Variants in KAZN observed in about 807,000 individuals in gnomAD.
KAZN encodes the protein kazrin.
A neutral mutation model predicts 87.4 loss-of-function variants in KAZN; 40 were observed. The observed-to-expected ratio is 0.46, with a 90% confidence interval of 0.36 to 0.60. The LOEUF (loss-of-function observed/expected upper bound fraction) is 0.60. Among genes scored for constraint, KAZN ranks in the 20% least tolerant of loss-of-function variants. The probability of loss-of-function intolerance (pLI) is 0.00; values close to 1 mark genes in which losing one functional copy is unlikely to be tolerated. For missense variants in KAZN, 898 were observed against 1,073.9 expected (o/e 0.84, Z 2.29); for synonymous variants, 466 against 458.3 (o/e 1.02, Z -0.22).
intron 1 of KAZN, among the ~76,000 whole-genome samples, chr1:14,051,195 C>G (rs148674379): frequency 1.5e-3 from 234 of 152,240 alleles, no homozygotes; most frequent in African/African-American, 5.6e-3. Flanking sequence ...TTACTAAAGG[C>G]AGGCCAAAGA....
intron 1 of KAZN, among the ~76,000 whole-genome samples, chr1:14,010,069 G>A (rs1206612449): frequency 6.6e-6 from 1 of 152,048 alleles, no homozygotes; most frequent in African/African-American, 2.4e-5. Flanking sequence ...TGCCATATCA[G>A]TATCATCTGT....
intron 4 of KAZN, among the ~76,000 whole-genome samples, chr1:15,051,418 G>A (rs1032270567): frequency 2.2e-4 from 34 of 152,332 alleles, no homozygotes; most frequent in African/African-American, 6.7e-4. Context: ...CTCAGGGAGC[G>A]CATAAGTAAT....
intron 2 of KAZN, among the ~76,000 whole-genome samples, chr1:14,995,542 G>C (rs1043424851): frequency 1.3e-5 from 2 of 151,928 alleles, no homozygotes; most frequent in African/African-American, 2.4e-5. Context: ...AGAATCGTTT[G>C]AAACCCTGGA....
At chr1:14,523,486 A>G (rs758243278) in intron 2 of KAZN, among the ~76,000 whole-genome samples, 1 of 152,236 alleles carries the variant, frequency 6.6e-6, no homozygotes, top group Non-Finnish European at 1.5e-5. Context: ...GCAATGCCCA[A>G]ATAGATACAA....
At chr1:14,787,338 A>G (rs950583154) in intron 1 of KAZN, among the ~76,000 whole-genome samples, 1 of 152,168 alleles carries the variant, frequency 6.6e-6, no homozygotes, top group African/African-American at 2.4e-5. Context: ...ACCAAGGCAT[A>G]GTGAGGTTGG....
At chr1:14,958,999 T>G (rs1663516847) in intron 1 of KAZN, among the ~76,000 whole-genome samples, 1 of 152,160 alleles carries the variant, frequency 6.6e-6, no homozygotes, top group Non-Finnish European at 1.5e-5. Flanking sequence ...AGACTCAAGT[T>G]CCCGCCCTCC....
chr1:14,678,910 T>C, intron 1 of KAZN, among the ~76,000 whole-genome samples: 1 of 152,212 alleles, frequency 6.6e-6, no homozygotes, highest in South Asian at 2.1e-4. Context: ...CTCACCTTTT[T>C]GGAGCTTACA....
chr1:14,780,732 A>G (rs1645309920), intron 1 of KAZN, among the ~76,000 whole-genome samples: 1 of 152,226 alleles, frequency 6.6e-6, no homozygotes, highest in Non-Finnish European at 1.5e-5. Flanking sequence ...AATACCATGG[A>G]CACTAACAGG....
At chr1:15,017,124 C>T (rs961099629) in intron 2 of KAZN, among the ~76,000 whole-genome samples, 8 of 151,632 alleles carry the variant, frequency 5.3e-5, no homozygotes, top group African/African-American at 1.9e-4. Context: ...ATGGTAAAAC[C>T]CTGTCTCTAC....
intron 2 of KAZN, among the ~76,000 whole-genome samples, chr1:14,475,163 A>G (rs1191922524): frequency 6.6e-6 from 1 of 152,060 alleles, no homozygotes; most frequent in East Asian, 1.9e-4. Context: ...GGATGGATGG[A>G]TAGTGGAAAG....
intron 1 of KAZN, among the ~76,000 whole-genome samples, chr1:14,152,700 G>A (rs1479555940): frequency 6.6e-6 from 1 of 152,166 alleles, no homozygotes; most frequent in Admixed American, 6.5e-5. Context: ...TTTTGGGTAT[G>A]TACCTAGGAG....
intron 1 of KAZN, among the ~76,000 whole-genome samples, chr1:14,069,948 A>T (rs1643177815): frequency 1.3e-5 from 2 of 152,188 alleles, no homozygotes; most frequent in Middle Eastern, 3.4e-3. Context: ...AGGCTGGCGG[A>T]TCACGAGGTC....
At chr1:13,966,333 G>A (rs980382252) in intron 1 of KAZN, among the ~76,000 whole-genome samples, 3 of 152,206 alleles carry the variant, frequency 2.0e-5, no homozygotes, top group Middle Eastern at 3.2e-3. Flanking sequence ...AAGTGGGGGC[G>A]CCTTTTGGAC....
At chr1:14,146,895 A>T (rs1472275383) in intron 1 of KAZN, among the ~76,000 whole-genome samples, 1 of 152,138 alleles carries the variant, frequency 6.6e-6, no homozygotes, top group Non-Finnish European at 1.5e-5. Flanking sequence ...TGAACAACAT[A>T]GGTTGGAACT....
At chr1:14,938,583 C>T (rs553659759) in intron 1 of KAZN, among the ~76,000 whole-genome samples, 63 of 150,808 alleles carry the variant, frequency 4.2e-4, no homozygotes, top group African/African-American at 1.4e-3. Flanking sequence ...ATATAAGACT[C>T]ACCAGAGAGA....
At chr1:14,992,082 G>A (rs1266712260) in intron 2 of KAZN, among the ~76,000 whole-genome samples, 3 of 152,148 alleles carry the variant, frequency 2.0e-5, no homozygotes, top group Non-Finnish European at 4.4e-5. Context: ...TGCCCAGCAT[G>A]ACAGTGAGTG....
chr1:15,053,344 C>G (rs1025753257), intron 4 of KAZN, among the ~76,000 whole-genome samples: 4 of 152,132 alleles, frequency 2.6e-5, no homozygotes, highest in Non-Finnish European at 5.9e-5. Flanking sequence ...TACAGAGGCT[C>G]GAGACACACC....
chr1:14,072,802 G>A (rs758699970), intron 1 of KAZN, among the ~76,000 whole-genome samples: 3 of 152,152 alleles, frequency 2.0e-5, no homozygotes, highest in African/African-American at 4.8e-5. Context: ...CGATGTGTAA[G>A]GGCGAAATGA....
intron 1 of KAZN, among the ~76,000 whole-genome samples, chr1:14,827,288 T>A (rs984509508): frequency 1.3e-5 from 2 of 152,096 alleles, no homozygotes; most frequent in African/African-American, 2.4e-5. Context: ...GTGTTTGGGG[T>A]ACAGGTGGCA....
Sources: gnomAD v4.1 joint callset for allele counts (sites outside exome capture counted in the v4.1 genomes callset) on GRCh38, gnomAD v4.1.1 for gene constraint, MANE v1.5 for transcripts, NCBI Gene and HGNC (gene_info 2026-07-23, HGNC 2026-07-21) for gene names.